The following CREB1 variants were observed in gnomAD, a reference collection of about 807,000 sequenced individuals.
The protein encoded by CREB1 is cyclic AMP-responsive element-binding protein 1.
CREB1 carries 2 observed loss-of-function variants against 42.0 expected under a neutral mutation model. That is an observed-to-expected ratio of 0.05 (90% CI 0.02 to 0.15). The LOEUF is 0.15. Among genes scored for constraint, CREB1 ranks in the 10% least tolerant of loss-of-function variants. The pLI is 1.00. For missense variants in CREB1, 199 were observed against 388.9 expected (o/e 0.51, Z 4.11); for synonymous variants, 123 against 139.9 (o/e 0.88, Z 0.85).
chr2:207,592,780 A>T (rs932955258), intron 7 of CREB1, among the ~76,000 whole-genome samples: 1 of 151,996 alleles, frequency 6.6e-6, no homozygotes, highest in African/African-American at 2.4e-5. Context: ...TTAGCTGGCC[A>T]TGGTGGCGCA....
At chr2:207,577,691 TAA>T (rs757718313) in intron 7 of CREB1, 36 bp downstream of exon 7, 37 of 1,608,044 alleles carry the variant, frequency 2.3e-5, no homozygotes, top group Non-Finnish European at 2.9e-5. Context: ...TGTTATGTGT[TAA>T]GTGTGTCTTC....
intron 4 of CREB1, 70 bp from the exon 5 acceptor site, chr2:207,570,106 CTTT>C: frequency 2.1e-6 from 2 of 957,248 alleles, no homozygotes; most frequent in Admixed American, 2.9e-5. Flanking sequence ...GTTTTCTCAT[CTTT>C]AACTATATTT....
At chr2:207,584,418 A>C (rs1250640520) in intron 7 of CREB1, among the ~76,000 whole-genome samples, 3 of 150,770 alleles carry the variant, frequency 2.0e-5, no homozygotes, top group African/African-American at 7.3e-5. Context: ...TTTTTTTTTG[A>C]GACGGAGTCT....
intron 7 of CREB1, chr2:207,581,763 TAC>T (rs2082986332): frequency 1.5e-6 from 1 of 680,180 alleles, no homozygotes; most frequent in African/African-American, 1.8e-5. Context: ...AACTGAATTA[TAC>T]ATTTTATTTC....
chr2:207,588,889 C>G (rs2084418980), intron 7 of CREB1, among the ~76,000 whole-genome samples: 2 of 142,298 alleles, frequency 1.4e-5, no homozygotes, highest in African/African-American at 2.6e-5. Flanking sequence ...GGAGCTTTGT[C>G]GGGGGGGGTG....
intron 4 of CREB1, 133 bp from the exon 5 acceptor site, chr2:207,570,040 CAAAAAA>C (rs757439012): frequency 1.9e-4 from 34 of 177,806 alleles, no homozygotes; most frequent in Non-Finnish European, 2.1e-4. Flanking sequence ...GACTCCATCT[CAAAAAA>C]AAAAAAAAAA....
In CREB1 at chr2:207,541,108, T is replaced by C. The variant is rs540542566; in HGVS notation, c.-9+10974T>C. On this transcript the variant is annotated intron_variant, in intron 1 of 7. Coordinates refer to ENST00000353267, the MANE Select transcript of CREB1 (RefSeq NM_004379.5). ...GGTGGCAGGCGCCCGTAATCCCAGC[T>C]ACTCAGGAGGCTGAGGCAGGAGAAT... 1.8e-4 allele frequency among the ~76,000 whole-genome samples: 28 copies of C among 152,034 alleles called. 1 individual carries two copies. Among genetic ancestry groups the C allele is most frequent in the African/African-American group, 6.5e-4 (27 of 41,444 alleles).
At chr2:207,546,654 G>T (rs919992751) in intron 1 of CREB1, among the ~76,000 whole-genome samples, 6 of 152,016 alleles carry the variant, frequency 3.9e-5, no homozygotes, top group African/African-American at 1.4e-4. Context: ...TTGAACCTGG[G>T]AAGCGGAGGT....
At chr2:207,561,222 C>A (rs531568761) in intron 3 of CREB1, 22 of 1,369,918 alleles carry the variant, frequency 1.6e-5, no homozygotes, top group Non-Finnish European at 2.2e-5. Flanking sequence ...AGAAATTATT[C>A]TTTATGTCTT....
At chr2:207,584,172 G>GAGT (rs2106634168) in intron 7 of CREB1, among the ~76,000 whole-genome samples, 1 of 152,278 alleles carries the variant, frequency 6.6e-6, no homozygotes, top group South Asian at 2.1e-4. Flanking sequence ...AAATATCTAG[G>GAGT]AGTAGGCTGG....
rs186707249 is a variant in CREB1, at chr2:207,558,823, A to G, written c.115-1403A>G. Among the ~76,000 whole-genome samples the G allele has an allele frequency of 1.5e-3, 221 of 152,018 alleles. 1 individual carries two copies. Among genetic ancestry groups the G allele is most frequent in the African/African-American group, 5.0e-3 (208 of 41,482 alleles). On this transcript the variant is annotated intron_variant, in intron 2 of 7. Coordinates refer to ENST00000353267, the MANE Select transcript of CREB1 (RefSeq NM_004379.5). The stretch of plus-strand genomic sequence containing the variant: ...TACCTGGCTAATTTTTTGTATTTTT[A>G]GTAGAGATGGGGTTTCACCATGTTG...
chr2:207,548,532 C>T (rs530713665), intron 1 of CREB1, among the ~76,000 whole-genome samples: 1 of 152,212 alleles, frequency 6.6e-6, no homozygotes, highest in East Asian at 1.9e-4. Context: ...GGGTAGATCA[C>T]CTAAGGTCAG....
At chr2:207,595,942 CTATT>C (rs2086074455) in intron 7 of CREB1, among the ~76,000 whole-genome samples, 1 of 152,142 alleles carries the variant, frequency 6.6e-6, no homozygotes. Context: ...TGCCTTTTCA[CTATT>C]TATTGTCTTT....
At chr2:207,574,917 A>G (rs1339084597) in intron 5 of CREB1, among the ~76,000 whole-genome samples, 2 of 152,238 alleles carry the variant, frequency 1.3e-5, no homozygotes, top group Admixed American at 6.5e-5. Context: ...TACTAGTGGG[A>G]CAAGTATTAA....
intron 1 of CREB1, among the ~76,000 whole-genome samples, chr2:207,533,907 T>C (rs1376654313): frequency 6.6e-6 from 1 of 152,242 alleles, no homozygotes. Context: ...AGGAATTTTG[T>C]GTCCTGAAGG....
At chr2:207,561,680 ACT>A (rs1214050643) in intron 3 of CREB1, among the ~76,000 whole-genome samples, 11 of 151,804 alleles carry the variant, frequency 7.2e-5, no homozygotes, top group Admixed American at 6.6e-4. Context: ...AGATGGTATA[ACT>A]CTGTTTCCTC....
chr2:207,605,797 T>C lies in CREB1; in HGVS notation c.*8739T>C, dbSNP rs2087992123. On this transcript the variant is annotated 3_prime_UTR_variant, in exon 8 of 8. Coordinates refer to ENST00000353267, the MANE Select transcript of CREB1 (RefSeq NM_004379.5). ...AGGTTGGTAACTAGGTCTACACAAG[T>C]TGTATCTCCAGGATACTGAGAAGTA... Among the ~76,000 whole-genome samples, 2 of 152,254 alleles carry C rather than the reference T, an allele frequency of 1.3e-5. No homozygotes were observed. The highest frequency in any genetic ancestry group is 1.3e-4 in the Admixed American group (2 of 15,292).
chr2:207,605,704 ACAGTTTAAC>A lies in CREB1; in HGVS notation c.*8651_*8659del, dbSNP rs1389515500. On this transcript the variant is annotated 3_prime_UTR_variant, in exon 8 of 8. Transcript: ENST00000353267. ...TATAAACTGCTGCCATTGTACAGATACAGTTTAACCAGTCCTCTTCTGGGGACATTTGGC... is the reference window on the plus strand; with the variant it reads ...TATAAACTGCTGCCATTGTACAGATACAGTCCTCTTCTGGGGACATTTGGC... Among the ~76,000 whole-genome samples the A allele has an allele frequency of 6.6e-6, 1 of 152,208 alleles. No homozygotes were observed. The highest frequency in any genetic ancestry group is 2.4e-5 in the African/African-American group (1 of 41,450).
chr2:207,549,267 A>AATGAAAGT (rs1267934930), intron 1 of CREB1, among the ~76,000 whole-genome samples: 2 of 152,186 alleles, frequency 1.3e-5, no homozygotes, highest in Non-Finnish European at 2.9e-5. Flanking sequence ...GTCTGGTTTC[A>AATGAAAGT]ATGAAAGTGT....
Sources: allele counts gnomAD v4.1 joint callset (sites outside exome capture counted in the v4.1 genomes callset), GRCh38; gene constraint gnomAD v4.1.1; transcripts MANE v1.5; gene names NCBI Gene and HGNC (gene_info 2026-07-23, HGNC 2026-07-21).